The following IRAG1 variants were observed in gnomAD, a reference collection of about 807,000 sequenced individuals.
IRAG1 encodes the protein inositol 1,4,5-triphosphate receptor associated 1, also known as IP3R-associated cGMP kinase substrate.
In IRAG1, 62 loss-of-function variants were observed where a neutral mutation model predicts 106.2. The observed-to-expected ratio is 0.58, with a 90% CI of 0.48 to 0.72. IRAG1 has a LOEUF of 0.72. Ranked by LOEUF, IRAG1 falls within the 30% of genes least tolerant of loss-of-function variation. The pLI, the probability that IRAG1 is intolerant of heterozygous loss-of-function variation, is 0.00. For synonymous variants in IRAG1, 462 were observed against 443.9 expected (o/e 1.04, Z -0.51); for missense variants, 1,064 against 1,140.7 (o/e 0.93, Z 0.97).
chr11:10,605,425 G>T (rs1049249742), intron 12 of IRAG1, among the ~76,000 whole-genome samples: 2 of 151,998 alleles, frequency 1.3e-5, no homozygotes, highest in Non-Finnish European at 2.9e-5. Flanking sequence ...TGATGATGAT[G>T]AAGGCAATAT....
intron 1 of IRAG1, among the ~76,000 whole-genome samples, chr11:10,684,878 A>G (rs1169183414): frequency 6.6e-6 from 1 of 152,192 alleles, no homozygotes; most frequent in African/African-American, 2.4e-5. Flanking sequence ...GGGACAGACT[A>G]TGTGAATATC....
intron 2 of IRAG1, among the ~76,000 whole-genome samples, chr11:10,636,999 G>C (rs763666581): frequency 6.6e-6 from 1 of 152,220 alleles, no homozygotes; most frequent in Non-Finnish European, 1.5e-5. Flanking sequence ...GCCAGCTTCT[G>C]AAGGACCTCG....
chr11:10,668,331 G>T (rs940308614), intron 1 of IRAG1, among the ~76,000 whole-genome samples: 1 of 152,222 alleles, frequency 6.6e-6, no homozygotes, highest in Admixed American at 6.5e-5. Flanking sequence ...GTATGTAAAT[G>T]TATGTAAATT....
chr11:10,614,348 C>T (rs1054779734), intron 10 of IRAG1, among the ~76,000 whole-genome samples: 1 of 152,082 alleles, frequency 6.6e-6, no homozygotes, highest in African/African-American at 2.4e-5. Context: ...AAATTTAAAA[C>T]CTATAATGCA....
In IRAG1 at chr11:10,600,998, G is replaced by T; in HGVS notation, c.1937C>A (p.Thr646Lys). Residue 646 changes from threonine to lysine, a missense_variant, in exon 15 of 21, where the codon ACG becomes AAG. Coordinates refer to ENST00000423302, the MANE Select transcript of IRAG1 (RefSeq NM_130385.4). ...MMQYVENLKR[T>K]YEKDHAELME... ...GAGCTCCGCATGGTCCTTCTCATAC[G>T]TCCTCTTTAGATTCTCCACATACTG... 3 of 1,614,048 alleles carry T rather than the reference G, an allele frequency of 1.9e-6. No homozygotes were observed. The highest frequency in any genetic ancestry group is 1.1e-5 in the South Asian group (1 of 91,088).
rs1850806437 is a variant in IRAG1 at position 10,576,280 on chromosome 11, G to T, written c.*52C>A. The T allele has an allele frequency of 2.5e-6, 4 of 1,604,584 alleles. No individual in the cohort carries two copies. The highest frequency in any genetic ancestry group is 3.4e-6 in the Non-Finnish European group (4 of 1,174,440). On this transcript the variant is annotated 3_prime_UTR_variant, in exon 21 of 21. Coordinates refer to ENST00000423302, the MANE Select transcript of IRAG1 (RefSeq NM_130385.4). ...GGGCCTGACGTTATACTTGGGGAAA[G>T]GGTGGTAGTCTGAGTGTCTCAGAGC...
rs942105791 is a variant in IRAG1 at position 10,659,948 on chromosome 11, C to G, written c.68-7766G>C. Among the ~76,000 whole-genome samples the G allele has an allele frequency of 6.6e-6, 1 of 152,152 alleles. No individual in the cohort carries two copies. Among genetic ancestry groups the G allele is most frequent in the Non-Finnish European group, 1.5e-5 (1 of 68,036 alleles). On this transcript the variant is annotated intron_variant, in intron 1 of 20. Transcript: ENST00000423302. This position sits in a 1 kb window ranked among gnomAD's most constrained non-coding sequence, Gnocchi z 4.1. Reference sequence around the variant, plus strand: ...CATCATCCTGGGGTCAAGGACCACACGGCATTCTGGGTCTGTGAGATCCCA... The same window carrying G: ...CATCATCCTGGGGTCAAGGACCACAGGGCATTCTGGGTCTGTGAGATCCCA...
At chr11:10,672,354 A>G (rs1223680787) in intron 1 of IRAG1, among the ~76,000 whole-genome samples, 1 of 152,250 alleles carries the variant, frequency 6.6e-6, no homozygotes, top group Non-Finnish European at 1.5e-5. Context: ...CTTCATCGCG[A>G]TACAAAAAAT....
chr11:10,603,538 G>C (rs551821276), intron 13 of IRAG1, among the ~76,000 whole-genome samples: 1 of 152,140 alleles, frequency 6.6e-6, no homozygotes, highest in East Asian at 1.9e-4. Flanking sequence ...AGGAGGTCAT[G>C]CTCTCAGGCA....
At position 10,625,947 on chromosome 11, in the gene IRAG1, C is replaced by G; in HGVS notation, c.1368+19G>C. On this transcript the variant is annotated intron_variant, in intron 9 of 20. Transcript: ENST00000423302. Reference sequence around the variant, plus strand: ...TACCTGGAGTACACACTCTGCCCAACTGGCCCCCAGGAACCCACCTCTCGG... The same window carrying G: ...TACCTGGAGTACACACTCTGCCCAAGTGGCCCCCAGGAACCCACCTCTCGG... 6.9e-7 allele frequency: 1 copy of G among 1,458,618 alleles called. No individual in the cohort carries two copies. Among genetic ancestry groups the G allele is most frequent in the Non-Finnish European group, 9.1e-7 (1 of 1,104,630 alleles). 90.4% of individuals were successfully genotyped at this position (1,458,618 alleles called of 1,614,324 possible). A position where few individuals can be genotyped will look rare whatever the true frequency, so the allele number is the denominator to read the frequency against.
At chr11:10,688,277 T>C (rs1245519045) in intron 1 of IRAG1, among the ~76,000 whole-genome samples, 10 of 152,138 alleles carry the variant, frequency 6.6e-5, no homozygotes. Context: ...ATAGGGACAC[T>C]GTGCTGCCTC....
At chr11:10,624,067 T>G (rs1052888041) in intron 9 of IRAG1, among the ~76,000 whole-genome samples, 1 of 152,090 alleles carries the variant, frequency 6.6e-6, no homozygotes, top group Non-Finnish European at 1.5e-5. Context: ...AACGCCACTG[T>G]CAGCACCACT....
At chr11:10,687,688 C>G in intron 1 of IRAG1, 1 of 1,288,072 alleles carries the variant, frequency 7.8e-7, no homozygotes. Flanking sequence ...CACCACTCTC[C>G]TTGCGGTGTT....
chr11:10,631,898 C>T, intron 4 of IRAG1, 93 bp downstream of exon 4: 2 of 1,057,928 alleles, frequency 1.9e-6, no homozygotes, highest in East Asian at 4.8e-5. Context: ...GAGGGAGCGC[C>T]TTAAAGAGCA....
chr11:10,688,611 G>T (rs151103105), intron 1 of IRAG1, among the ~76,000 whole-genome samples: 1 of 152,034 alleles, frequency 6.6e-6, no homozygotes, highest in Non-Finnish European at 1.5e-5. Context: ...CTCTCATTGA[G>T]CCCATTGGTT....
chr11:10,686,115 A>G (rs1861642973), intron 1 of IRAG1, among the ~76,000 whole-genome samples: 1 of 152,224 alleles, frequency 6.6e-6, no homozygotes. Context: ...CATCCAAAAT[A>G]GAGGACTCCC....
intron 2 of IRAG1, among the ~76,000 whole-genome samples, chr11:10,637,919 G>A (rs1564921971): frequency 6.6e-6 from 1 of 152,184 alleles, no homozygotes; most frequent in African/African-American, 2.4e-5. Context: ...GGAGAGCCAG[G>A]GAAGAAGAAG....
chr11:10,629,070 G>A (rs1023961861), intron 5 of IRAG1, among the ~76,000 whole-genome samples: 1 of 152,072 alleles, frequency 6.6e-6, no homozygotes, highest in Admixed American at 6.5e-5. Flanking sequence ...TTCTCAGCCT[G>A]CCTGGCCTGA....
intron 1 of IRAG1, among the ~76,000 whole-genome samples, chr11:10,680,372 G>GAAAGAAAGAAAGAAAGAAAGAAA (rs1564942533): frequency 1.1e-3 from 45 of 41,218 alleles, no homozygotes; most frequent in Non-Finnish European, 1.3e-3. Flanking sequence ...AAAGAAAGAA[G>GAAAGAAAGAAAGAAAGAAAGAAA]GAAGGAAGGA....
Sources: allele counts gnomAD v4.1 joint callset (sites outside exome capture counted in the v4.1 genomes callset), GRCh38; gene constraint gnomAD v4.1.1; non-coding constraint Gnocchi (gnomAD v3.1); transcripts MANE v1.5; gene names NCBI Gene and HGNC (gene_info 2026-07-23, HGNC 2026-07-21).